PTPRQ: variants seen among roughly 807,000 people sequenced by gnomAD.
PTPRQ encodes protein tyrosine phosphatase receptor type Q.
In PTPRQ, 199 loss-of-function variants were observed where a neutral mutation model predicts 246.0. The ratio of observed to expected loss-of-function variants is 0.81; its 90% CI spans 0.72 to 0.91. The LOEUF is 0.91. Ranked by LOEUF, PTPRQ falls within the 40% of genes least tolerant of loss-of-function variation. The probability of loss-of-function intolerance (pLI) is 0.00; values close to 1 mark genes in which losing one functional copy is unlikely to be tolerated. For synonymous variants in PTPRQ, 869 were observed against 853.2 expected (o/e 1.02, Z -0.32); for missense variants, 2,624 against 2,528.4 (o/e 1.04, Z -0.81).
intron 23 of PTPRQ, 80 bp from the exon 24 acceptor site, chr12:80,546,476 A>G: frequency 7.6e-7 from 1 of 1,318,758 alleles, no homozygotes; most frequent in Non-Finnish European, 1.0e-6. Flanking sequence ...ATATAAAAGG[A>G]ATAACTTCAA....
At chr12:80,478,736 C>A (rs1893916638) in intron 8 of PTPRQ, among the ~76,000 whole-genome samples, 1 of 152,026 alleles carries the variant, frequency 6.6e-6, no homozygotes, top group South Asian at 2.1e-4. Flanking sequence ...AATGCAGAAG[C>A]CTCAGGAGCC....
chr12:80,588,061 ATTC>A, intron 25 of PTPRQ, 65 bp from the exon 26 acceptor site: 1 of 1,429,910 alleles, frequency 7.0e-7, no homozygotes, highest in Non-Finnish European at 9.2e-7. Flanking sequence ...ATAGAATTCT[ATTC>A]TTTCTTCTCT....
chr12:80,482,941 G>GTTCAA (rs1457816431), intron 8 of PTPRQ, among the ~76,000 whole-genome samples: 1 of 107,042 alleles, frequency 9.3e-6, no homozygotes, highest in Non-Finnish European at 1.8e-5. Flanking sequence ...CTGTAAACTA[G>GTTCAA]TTCAACCATT....
chr12:80,605,032 T>C lies in PTPRQ; in HGVS notation c.4610-27T>C, dbSNP rs769467440. 6 of 1,528,830 alleles carry C rather than the reference T, an allele frequency of 3.9e-6. No homozygotes were observed. In the African/African-American group the frequency reaches 6.9e-5, roughly 18 times the overall value. The allele number at this position is 1,528,830 out of a possible 1,614,324, so 94.7% of individuals were successfully genotyped here. On this transcript the variant is annotated intron_variant, in intron 26 of 44. Coordinates refer to ENST00000644991, the MANE Select transcript of PTPRQ (RefSeq NM_001145026.2). ...TAGCAAGTACTAATTCTAATGTAGCTAGATAATTAATTTTCTATTGTCATA... is the reference window on the plus strand; with the variant it reads ...TAGCAAGTACTAATTCTAATGTAGCCAGATAATTAATTTTCTATTGTCATA...
At chr12:80,527,008 CACT>C (rs1895706665) in intron 17 of PTPRQ, among the ~76,000 whole-genome samples, 1 of 151,932 alleles carries the variant, frequency 6.6e-6, no homozygotes, top group Admixed American at 6.6e-5. Context: ...GACATTCCAC[CACT>C]GATTATATTT....
chr12:80,595,992 A>G (rs920076258), intron 26 of PTPRQ, among the ~76,000 whole-genome samples: 3 of 152,152 alleles, frequency 2.0e-5, no homozygotes, highest in Non-Finnish European at 4.4e-5. Context: ...CAAACAGTGA[A>G]GGAAAATAAT....
chr12:80,483,813 T>C (rs1010543119), intron 8 of PTPRQ, among the ~76,000 whole-genome samples: 2 of 151,998 alleles, frequency 1.3e-5, no homozygotes, highest in African/African-American at 2.4e-5. Flanking sequence ...CAGCTCCCTC[T>C]TATGAGTGTG....
At chr12:80,525,913 A>T (rs1895671461) in intron 17 of PTPRQ, 1 of 152,116 alleles carries the variant, frequency 6.6e-6, no homozygotes, top group Non-Finnish European at 1.5e-5. Flanking sequence ...TTTAATAAGG[A>T]TCTTCCTGCG....
Position 80,467,642 on chromosome 12 carries a change from T to A in PTPRQ, c.911-1068T>A, listed in dbSNP as rs10862134. ...ACAATGATAGACTGGATTAAGAAAA[T>A]GTGGCACATATACACCATGGAATAC... On this transcript the variant is annotated intron_variant, in intron 6 of 44. Transcript: ENST00000644991. Among the ~76,000 whole-genome samples the A allele has an allele frequency of 5.0e-4, 75 of 151,192 alleles. 1 individual carries two copies. Among genetic ancestry groups the A allele is most frequent in the African/African-American group, 1.5e-3 (64 of 41,328 alleles).
At chr12:80,595,611 A>T (rs938525762) in intron 26 of PTPRQ, among the ~76,000 whole-genome samples, 2 of 151,848 alleles carry the variant, frequency 1.3e-5, no homozygotes, top group Non-Finnish European at 2.9e-5. Flanking sequence ...CATGTGCACA[A>T]TGTGCAGGTT....
At position 80,661,443 on chromosome 12, in the gene PTPRQ, T is replaced by A. The variant is rs1193342308; in HGVS notation, c.6192+3382T>A. ...ATATATATTGTAATTTTGGAATAAT[T>A]ATCAAACAATATAGAATATGGTGAT... On this transcript the variant is annotated intron_variant, in intron 39 of 44. Transcript: ENST00000644991. Among the ~76,000 whole-genome samples the A allele has an allele frequency of 2.6e-5, 4 of 151,074 alleles. No homozygotes were observed. The East Asian group carries it at 7.8e-4, about 30-fold the overall frequency.
In PTPRQ at chr12:80,679,134, T is replaced by G; in HGVS notation, c.*111T>G. On this transcript the variant is annotated 3_prime_UTR_variant, in exon 45 of 45. Transcript: ENST00000644991. ...GCAACCTTAAAGAAATATCTATGCT[T>G]CTCTCACTGTGCCTTTCCAAACGGA... 1 of 1,314,274 alleles carries G rather than the reference T, an allele frequency of 7.6e-7. No individual in the cohort carries two copies. The highest frequency in any genetic ancestry group is 1.0e-6 in the Non-Finnish European group (1 of 986,832). 81.4% of individuals were successfully genotyped at this position (1,314,274 alleles called of 1,614,324 possible).
chr12:80,638,242 C>T (rs924908780), intron 35 of PTPRQ, among the ~76,000 whole-genome samples: 3 of 149,536 alleles, frequency 2.0e-5, no homozygotes, highest in Admixed American at 6.6e-5. Context: ...GCACTCCAGC[C>T]TGGGCAACAA....
chr12:80,452,717 G>T (rs539785930), intron 3 of PTPRQ, among the ~76,000 whole-genome samples: 76 of 152,346 alleles, frequency 5.0e-4, no homozygotes, highest in Non-Finnish European at 7.3e-5. Context: ...GGCTTCTAGA[G>T]TTTCTACTGA....
intron 39 of PTPRQ, among the ~76,000 whole-genome samples, chr12:80,665,202 C>G (rs879607242): frequency 6.6e-6 from 1 of 151,900 alleles, no homozygotes; most frequent in African/African-American, 2.4e-5. Context: ...ACGTGGAGTC[C>G]GATGTTCTAG....
intron 8 of PTPRQ, among the ~76,000 whole-genome samples, chr12:80,472,516 T>C (rs537440586): frequency 1.3e-5 from 2 of 152,326 alleles, no homozygotes; most frequent in African/African-American, 4.8e-5. Context: ...CAATAAAATT[T>C]AGCAAAACCT....
intron 9 of PTPRQ, among the ~76,000 whole-genome samples, chr12:80,486,053 A>T (rs1357186112): frequency 6.6e-6 from 1 of 152,160 alleles, no homozygotes; most frequent in African/African-American, 2.4e-5. Flanking sequence ...TTCTGCCATT[A>T]CTAACTGTTT....
chr12:80,495,234 C>A lies in PTPRQ; in HGVS notation c.1745C>A (p.Ser582Tyr). 1.3e-6 allele frequency: 2 copies of A among 1,539,386 alleles called. No homozygotes were observed. Among genetic ancestry groups the A allele is most frequent in the Non-Finnish European group, 1.7e-6 (2 of 1,143,080 alleles). Residue 582 changes from serine (S) to tyrosine (Y), a missense_variant, in exon 12 of 45, where the codon TCT (serine) becomes TAT (tyrosine). Transcript: ENST00000644991. ...IKIINYKNIS[S>Y]SSILLYWDPP... ...ATTATAAACTATAAAAATATTAGTT[C>A]TTCATCTATTTTGTTATATTGGGAT...
intron 6 of PTPRQ, among the ~76,000 whole-genome samples, chr12:80,468,360 G>T (rs955285685): frequency 2.6e-5 from 4 of 152,078 alleles, no homozygotes; most frequent in Admixed American, 2.6e-4. Context: ...TGTTCATCCA[G>T]ACTTTGTTGA....
Sources: allele counts gnomAD v4.1 joint callset (sites outside exome capture counted in the v4.1 genomes callset), GRCh38; gene constraint gnomAD v4.1.1; transcripts MANE v1.5; gene names NCBI Gene and HGNC (gene_info 2026-07-23, HGNC 2026-07-21).